The following MARCHF1 variants were observed in gnomAD, a reference collection of about 807,000 sequenced individuals.
MARCHF1 encodes the protein membrane associated ring-CH-type finger 1.
MARCHF1 carries 40 observed loss-of-function variants against 54.2 expected under a neutral mutation model. The ratio of observed to expected loss-of-function variants is 0.74; its 90% CI spans 0.57 to 0.96. The LOEUF (loss-of-function observed/expected upper bound fraction) is 0.96. MARCHF1 is among the 40% of genes least tolerant of loss of function. The pLI, the probability that MARCHF1 is intolerant of heterozygous loss-of-function variation, is 0.00. For missense variants in MARCHF1, 586 were observed against 656.5 expected, an observed-to-expected ratio of 0.89 and a Z score of 1.17; for synonymous variants, 236 against 236.3, an observed-to-expected ratio of 1.00 and a Z score of 0.01.
intron 3 of MARCHF1, among the ~76,000 whole-genome samples, chr4:163,875,328 T>C (rs1653031617): frequency 6.6e-6 from 1 of 152,168 alleles, no homozygotes; most frequent in Admixed American, 6.5e-5. Context: ...TAAAAACTCT[T>C]TAATTCCAAA....
chr4:163,568,660 C>T (rs1199985403), intron 8 of MARCHF1, among the ~76,000 whole-genome samples: 1 of 152,124 alleles, frequency 6.6e-6, no homozygotes, highest in Non-Finnish European at 1.5e-5. Flanking sequence ...TGAAGTCATA[C>T]TGAAGATCAG....
intron 1 of MARCHF1, among the ~76,000 whole-genome samples, chr4:164,317,754 A>C (rs554033597): frequency 6.6e-6 from 1 of 152,290 alleles, no homozygotes; most frequent in African/African-American, 2.4e-5. Context: ...GCCTGTTGCG[A>C]GTGGGCAAGT....
chr4:164,194,672 G>A (rs1043835568), intron 1 of MARCHF1, among the ~76,000 whole-genome samples: 1 of 151,494 alleles, frequency 6.6e-6, no homozygotes, highest in African/African-American at 2.4e-5. Context: ...CGCATTTAAT[G>A]GATTTTCAAA....
At chr4:163,647,611 A>C (rs1742808321) in intron 5 of MARCHF1, among the ~76,000 whole-genome samples, 1 of 152,002 alleles carries the variant, frequency 6.6e-6, no homozygotes, top group Non-Finnish European at 1.5e-5. Flanking sequence ...AATAGAAAGA[A>C]ATTTGGAAAG....
At chr4:163,764,077 A>C (rs1411444161) in intron 4 of MARCHF1, among the ~76,000 whole-genome samples, 1 of 152,072 alleles carries the variant, frequency 6.6e-6, no homozygotes, top group African/African-American at 2.4e-5. Context: ...AGTCTAGACT[A>C]ATTGACTTTC....
intron 1 of MARCHF1, among the ~76,000 whole-genome samples, chr4:164,332,923 T>G (rs1729600380): frequency 6.6e-6 from 1 of 152,198 alleles, no homozygotes; most frequent in Admixed American, 6.5e-5. Flanking sequence ...TAGTAAAGTA[T>G]AATGAAAGTA....
At chr4:163,610,791 G>A (rs1210662749) in intron 7 of MARCHF1, among the ~76,000 whole-genome samples, 2 of 151,840 alleles carry the variant, frequency 1.3e-5, no homozygotes, top group Non-Finnish European at 2.9e-5. Context: ...CTGTACAGTC[G>A]AGCCCTCTCC....
At chr4:163,616,691 C>T (rs1187287826) in intron 5 of MARCHF1, among the ~76,000 whole-genome samples, 1 of 151,556 alleles carries the variant, frequency 6.6e-6, no homozygotes, top group African/African-American at 2.4e-5. Context: ...CTAGCCTGGG[C>T]AACATAGTGA....
intron 1 of MARCHF1, among the ~76,000 whole-genome samples, chr4:164,344,458 T>TTGTGTGTGTGTGTGTG (rs144379635): frequency 2.0e-5 from 3 of 147,978 alleles, no homozygotes; most frequent in African/African-American, 7.4e-5. Flanking sequence ...ATGCACGTGT[T>TTGTGTGTGTGTGTGTG]TGTGTGTGTG....
intron 3 of MARCHF1, among the ~76,000 whole-genome samples, chr4:163,873,483 A>T (rs1163411612): frequency 6.6e-6 from 1 of 152,076 alleles, no homozygotes; most frequent in Non-Finnish European, 1.5e-5. Context: ...CAGGCTTTTG[A>T]CAGAGCTGGA....
intron 4 of MARCHF1, among the ~76,000 whole-genome samples, chr4:163,831,461 T>C (rs1345071377): frequency 6.6e-6 from 1 of 151,908 alleles, no homozygotes; most frequent in East Asian, 1.9e-4. Flanking sequence ...CACGATGGTA[T>C]GTGCCTGTAG....
chr4:163,840,695 T>C (rs1749312816), intron 4 of MARCHF1, among the ~76,000 whole-genome samples: 1 of 152,128 alleles, frequency 6.6e-6, no homozygotes, highest in African/African-American at 2.4e-5. Context: ...AGTAATCTAA[T>C]GTAAGCATGG....
rs1270802201 is a variant in MARCHF1 at position 164,189,272 on chromosome 4, T to A, written c.-322-77610A>T. On this transcript the variant is annotated intron_variant, in intron 1 of 9. Coordinates refer to ENST00000514618, the MANE Select transcript of MARCHF1 (RefSeq NM_001394959.1). Reference sequence around the variant, plus strand: ...GAGGTAGAAAAGGCCAGATGGGCCCTGTCTCCTCAACATCAAGCAAGAATT... The same window carrying A: ...GAGGTAGAAAAGGCCAGATGGGCCCAGTCTCCTCAACATCAAGCAAGAATT... The A allele has an allele frequency of 1.2e-5, 7 of 590,260 alleles. No individual in the cohort carries two copies. In the East Asian group the frequency reaches 2.0e-4, roughly 17 times the overall value. 36.6% of individuals were successfully genotyped at this position (590,260 alleles called of 1,614,324 possible). A position where few individuals can be genotyped will look rare whatever the true frequency, so the allele number is the denominator to read the frequency against.
At chr4:164,237,507 A>T (rs554754217) in intron 1 of MARCHF1, among the ~76,000 whole-genome samples, 40 of 152,210 alleles carry the variant, frequency 2.6e-4, no homozygotes, top group African/African-American at 9.4e-4. Flanking sequence ...CACAACCCAT[A>T]ATAAGAAATA....
intron 3 of MARCHF1, among the ~76,000 whole-genome samples, chr4:163,984,979 A>G (rs1484646478): frequency 6.6e-6 from 1 of 152,196 alleles, no homozygotes; most frequent in East Asian, 1.9e-4. Flanking sequence ...CCCAAGGTGT[A>G]GGTGAACCTA....
At chr4:164,303,915 A>G (rs1259407095) in intron 1 of MARCHF1, among the ~76,000 whole-genome samples, 1 of 152,200 alleles carries the variant, frequency 6.6e-6, no homozygotes, top group Non-Finnish European at 1.5e-5. Flanking sequence ...TTATTGGGTA[A>G]TCGACACTCC....
At chr4:164,344,555 G>T (rs1282917484) in intron 1 of MARCHF1, among the ~76,000 whole-genome samples, 1 of 151,544 alleles carries the variant, frequency 6.6e-6, no homozygotes, top group African/African-American at 2.4e-5. Context: ...TGATTTTTTT[G>T]TATATTTAAT....
intron 2 of MARCHF1, among the ~76,000 whole-genome samples, chr4:164,099,407 C>A (rs1029003897): frequency 6.6e-6 from 1 of 152,122 alleles, no homozygotes; most frequent in East Asian, 1.9e-4. Flanking sequence ...TATAATTGTA[C>A]AAATTTCTTT....
At chr4:164,312,825 A>G (rs1463240692) in intron 1 of MARCHF1, among the ~76,000 whole-genome samples, 2 of 152,172 alleles carry the variant, frequency 1.3e-5, no homozygotes, top group East Asian at 3.9e-4. Context: ...AAGATGTTTT[A>G]CACAAGAAAA....
Sources: allele counts gnomAD v4.1 joint callset (sites outside exome capture counted in the v4.1 genomes callset), GRCh38; gene constraint gnomAD v4.1.1; transcripts MANE v1.5; gene names NCBI Gene and HGNC (gene_info 2026-07-23, HGNC 2026-07-21).